NEB: variants seen among roughly 807,000 people sequenced by gnomAD.
NEB encodes the protein nebulin, also known as nemaline myopathy type 2.
Under a neutral mutation model 952.2 loss-of-function variants are expected in NEB, and 512 were observed. The observed-to-expected ratio is 0.54, with a 90% CI of 0.50 to 0.58. The LOEUF is 0.58. Among genes scored for constraint, NEB ranks in the 20% least tolerant of loss-of-function variants. The probability of loss-of-function intolerance (pLI) is 0.00; values close to 1 mark genes in which losing one functional copy is unlikely to be tolerated. For missense variants in NEB, 8,428 were observed against 9,231.1 expected (o/e 0.91, Z 3.56); for synonymous variants, 2,900 against 3,149.8 (o/e 0.92, Z 2.66).
At chr2:151,487,901 A>G (rs959939497) in intron 181 of NEB, among the ~76,000 whole-genome samples, 4 of 152,136 alleles carry the variant, frequency 2.6e-5, no homozygotes, top group African/African-American at 9.7e-5. Context: ...GTGAGCCACT[A>G]TTCCTGACCT....
rs950691096 is a variant in NEB at position 151,636,311 on chromosome 2, T to C, written c.9018A>G (p.Glu3006=). The change falls in exon 64 of 182, where the codon GAA becomes GAG. Residue 3006 remains glutamate, a synonymous_variant. Transcript: ENST00000397345. ...YSESLYKLAN[E]EAKKKGYDLR... is the part of the protein sequence containing the mutation. ...AGTCATAGCCTTTCTTCTTTGCTTC[T>C]TCATTAGCAAGTTTGTACAGACTCT... The C allele has an allele frequency of 6.2e-7, 1 of 1,607,764 alleles. No homozygotes were observed. Among genetic ancestry groups the C allele is most frequent in the African/African-American group, 1.3e-5 (1 of 75,064 alleles).
At chr2:151,696,927 C>T (rs547028135) in intron 16 of NEB, among the ~76,000 whole-genome samples, 192 bp from the exon 17 acceptor site, 14 of 152,290 alleles carry the variant, frequency 9.2e-5, no homozygotes, top group South Asian at 6.2e-4. Context: ...CCTATATCTT[C>T]GGGTTTCCAA....
At position 151,671,247 on chromosome 2, in the gene NEB, A is replaced by C. The variant is rs888735101; in HGVS notation, c.4300-18T>G. ...TACACATTCTGTAAAAGGGTAAGCT[A>C]ATATGAGAAGATACCCTGGAGAATA... On this transcript the variant is annotated intron_variant, in intron 37 of 181. Transcript: ENST00000397345. 2.2e-5 allele frequency: 35 copies of C among 1,586,644 alleles called. No individual in the cohort carries two copies. Among genetic ancestry groups the C allele is most frequent in the Non-Finnish European group, 2.9e-5 (33 of 1,156,926 alleles).
At chr2:151,573,029 C>T (rs900832559) in intron 107 of NEB, among the ~76,000 whole-genome samples, 6 of 152,260 alleles carry the variant, frequency 3.9e-5, no homozygotes, top group African/African-American at 1.4e-4. Context: ...ATGAAGATTA[C>T]ATGAGTCACT....
intron 41 of NEB, 148 bp downstream of exon 41, chr2:151,665,942 G>A (rs1358025728): frequency 2.5e-6 from 2 of 802,744 alleles, no homozygotes; most frequent in Non-Finnish European, 3.8e-6. Flanking sequence ...GCCACCTATA[G>A]TTCAAATGAG....
rs747091795 is a variant in NEB, at chr2:151,665,421, C to T, written c.5150G>A (p.Arg1717His). The T allele has an allele frequency of 9.3e-6, 15 of 1,613,544 alleles. No homozygotes were observed. In the Admixed American group the frequency reaches 1.3e-4, roughly 14 times the overall value. Residue 1717 changes from arginine (R) to histidine (H), a missense_variant, in exon 42 of 182, where the codon CGC (arginine) becomes CAC (histidine). By Grantham distance (29) the Arg-to-His change is conservative (BLOSUM62 0). Transcript: ENST00000397345. ...GAACTTCAGCTTCTCGGGGTGCTGGCGATACTTCTTCTCACTAAGAATCTC... is the reference window on the plus strand; with the variant it reads ...GAACTTCAGCTTCTCGGGGTGCTGGTGATACTTCTTCTCACTAAGAATCTC... ...AGEILSEKKY[R>H]QHPEKLKFTY... is the part of the protein sequence containing the mutation.
chr2:151,502,957 G>T, intron 166 of NEB, 72 bp from the exon 167 acceptor site: 1 of 902,024 alleles, frequency 1.1e-6, no homozygotes, highest in Non-Finnish European at 1.7e-6. Flanking sequence ...AGGAAATGGG[G>T]GAAGGGGTTA....
In NEB at chr2:151,485,595, A is replaced by G. The variant is rs1469025250; in HGVS notation, c.*165T>C. 1.8e-6 allele frequency: 1 copy of G among 568,550 alleles called. No individual in the cohort carries two copies. The highest frequency in any genetic ancestry group is 2.9e-6 in the Non-Finnish European group (1 of 341,494). The allele number at this position is 568,550 out of a possible 1,614,324, so 35.2% of individuals were successfully genotyped here. On this transcript the variant is annotated 3_prime_UTR_variant, in exon 182 of 182. Transcript: ENST00000397345. Reference sequence around the variant, plus strand: ...AAGCTTTTAAAGTGTCTGTTCTGCAACTTATTTTAAAACCCAAAGGAGAAA... The same window carrying G: ...AAGCTTTTAAAGTGTCTGTTCTGCAGCTTATTTTAAAACCCAAAGGAGAAA...
intron 105 of NEB, among the ~76,000 whole-genome samples, chr2:151,576,827 GC>G (rs1186143225): frequency 6.6e-6 from 1 of 151,794 alleles, no homozygotes; most frequent in Non-Finnish European, 1.5e-5. Flanking sequence ...GAGCCACTAC[GC>G]CAGGCCTCTT....
chr2:151,541,017 A>G (rs1490769849), intron 136 of NEB, among the ~76,000 whole-genome samples: 1 of 151,960 alleles, frequency 6.6e-6, no homozygotes, highest in Non-Finnish European at 1.5e-5. Context: ...GTTATCTAAT[A>G]TGCCTACCAC....
At chr2:151,665,792 T>C (rs973699973) in intron 41 of NEB, among the ~76,000 whole-genome samples, 11 of 152,246 alleles carry the variant, frequency 7.2e-5, no homozygotes, top group African/African-American at 2.2e-4. Flanking sequence ...AATGAAAAAT[T>C]AACAGAATTT....
rs531900016 is a variant in NEB, at chr2:151,530,781, GC to G, written c.21630+212del. The G allele has an allele frequency of 5.3e-5, 22 of 411,384 alleles. No homozygotes were observed. In the South Asian group the frequency reaches 1.3e-3, roughly 24 times the overall value. 25.5% of individuals were successfully genotyped at this position (411,384 alleles called of 1,614,324 possible). On this transcript the variant is annotated intron_variant, in intron 145 of 181. Transcript: ENST00000397345. ...CACCTGGATGTCCTGGCTTGACTGA[GC>G]CCCAGGTGTCTGCCAGCAACATGGG...
chr2:151,493,512 G>A lies in NEB; in HGVS notation c.24673-67C>T, dbSNP rs1240440476. ...AACCAGGTCTGAAAATCATCACTTAGCTGGTGTTATGGCTCATGTTATGGC... is the reference window on the plus strand; with the variant it reads ...AACCAGGTCTGAAAATCATCACTTAACTGGTGTTATGGCTCATGTTATGGC... On this transcript the variant is annotated intron_variant, in intron 175 of 181. Transcript: ENST00000397345. The A allele has an allele frequency of 5.6e-6, 6 of 1,062,064 alleles. No individual in the cohort carries two copies. The African/African-American group carries it at 6.4e-5, about 11-fold the overall frequency. The allele number at this position is 1,062,064 out of a possible 1,614,324, so 65.8% of individuals were successfully genotyped here.
chr2:151,578,304 G>C (rs2096955921), intron 105 of NEB, among the ~76,000 whole-genome samples: 1 of 144,898 alleles, frequency 6.9e-6, no homozygotes, highest in African/African-American at 2.4e-5. Context: ...AAGTGGTCTG[G>C]AGTGTGCTGC....
chr2:151,520,004 G>A (rs2080824946), intron 153 of NEB: 3 of 315,460 alleles, frequency 9.5e-6, no homozygotes, highest in Non-Finnish European at 1.7e-5. Context: ...ATTATTCCAA[G>A]GTATAAAAAG....
intron 81 of NEB, among the ~76,000 whole-genome samples, chr2:151,609,402 T>G (rs1379789488): frequency 6.6e-6 from 1 of 152,048 alleles, no homozygotes; most frequent in Non-Finnish European, 1.5e-5. Flanking sequence ...TAGCCATGAA[T>G]AATAATATAT....
Position 151,552,653 on chromosome 2 carries a change from TTCC to T in NEB, c.19836+16_19836+18del. 1 of 1,579,142 alleles carries T rather than the reference TTCC, an allele frequency of 6.3e-7. No individual in the cohort carries two copies. Among genetic ancestry groups the T allele is most frequent in the Non-Finnish European group, 8.7e-7 (1 of 1,150,376 alleles). ...CCTGCTTTATTACTGTCCACTTAAC[TTCC>T]CCAGTGATCACTTACGTCACTTAGC... On this transcript the variant is annotated intron_variant, in intron 128 of 181. Transcript: ENST00000397345.
At chr2:151,566,378 T>G (rs1473161421) in intron 114 of NEB, among the ~76,000 whole-genome samples, 2 of 152,204 alleles carry the variant, frequency 1.3e-5, no homozygotes, top group Non-Finnish European at 1.5e-5. Flanking sequence ...GTTGCTATTC[T>G]GATTTAAGTT....
At chr2:151,613,217 A>G (rs2153986579) in intron 77 of NEB, among the ~76,000 whole-genome samples, 1 of 152,362 alleles carries the variant, frequency 6.6e-6, no homozygotes, top group Non-Finnish European at 1.5e-5. Flanking sequence ...TCTACTGGCC[A>G]ACAACAAAAG....
Sources: allele counts gnomAD v4.1 joint callset (sites outside exome capture counted in the v4.1 genomes callset), GRCh38; gene constraint gnomAD v4.1.1; transcripts MANE v1.5; gene names NCBI Gene and HGNC (gene_info 2026-07-23, HGNC 2026-07-21).